USP36: variants seen among roughly 807,000 people sequenced by gnomAD.
The protein encoded by USP36 is ubiquitin carboxyl-terminal hydrolase 36.
Under a neutral mutation model 111.5 loss-of-function variants are expected in USP36, and 59 were observed. The ratio of observed to expected loss-of-function variants is 0.53; its 90% CI spans 0.43 to 0.66. The LOEUF (loss-of-function observed/expected upper bound fraction) is 0.66, where lower values mean the gene tolerates loss of function less well. USP36 is among the 30% of genes least tolerant of loss of function. The pLI is 0.00. For synonymous variants in USP36, 628 were observed against 581.0 expected (o/e 1.08, Z -1.16); for missense variants, 1,488 against 1,468.0 (o/e 1.01, Z -0.22).
chr17:78,791,765 T>C (rs1172207856), downstream of USP36: 1 of 152,106 alleles, frequency 6.6e-6, no homozygotes, highest in Non-Finnish European at 1.5e-5. Flanking sequence ...AACCTTATGT[T>C]GGGGAATGAT....
intron 10 of USP36, among the ~76,000 whole-genome samples, chr17:78,815,578 G>A (rs1251293623): frequency 1.3e-5 from 2 of 152,138 alleles, no homozygotes; most frequent in African/African-American, 4.8e-5. Context: ...AGAATGCTGG[G>A]TTTTAGATCT....
chr17:78,803,598 T>A lies in USP36; in HGVS notation c.2597A>T (p.Gln866Leu). ...AASALQEGQT[Q>L]RQPGSPMYRR... is the part of the protein sequence containing the mutation. Reference sequence around the variant, plus strand: ...GTACATGGGGCTCCCAGGCTGTCTCTGTGTCTGCCCCTCCTGCAGGGCGCT... The same window carrying A: ...GTACATGGGGCTCCCAGGCTGTCTCAGTGTCTGCCCCTCCTGCAGGGCGCT... The change falls in exon 16 of 21, where the codon CAG (glutamine) becomes CTG (leucine). Residue 866 changes from glutamine (Q) to leucine (L), a missense_variant. Coordinates refer to ENST00000449938, the MANE Select transcript of USP36 (RefSeq NM_001385174.1). This position sits in a 1 kb window ranked among gnomAD's most constrained non-coding sequence, Gnocchi z 4.6. 6.2e-7 allele frequency: 1 copy of A among 1,612,906 alleles called. No individual in the cohort carries two copies. The highest frequency in any genetic ancestry group is 8.5e-7 in the Non-Finnish European group (1 of 1,179,882).
chr17:78,803,477 G>A lies in USP36; in HGVS notation c.2718C>T (p.Asp906=), dbSNP rs1211166344. Reference sequence around the variant, plus strand: ...GCTTCCTGCTGCTCGCGTGGTGGCCGTCCGTAACACATCCCACCTGCTGGC... The same window carrying A: ...GCTTCCTGCTGCTCGCGTGGTGGCCATCCGTAACACATCCCACCTGCTGGC... ...VNGQQVGCVT[D]GHHASSRKRR... is the part of the protein sequence containing the mutation. The change falls in exon 16 of 21, where the codon GAC becomes GAT. Residue 906 remains aspartate, a synonymous_variant. Transcript: ENST00000449938. This position sits in a 1 kb window ranked among gnomAD's most constrained non-coding sequence, Gnocchi z 4.6. 82 of 1,613,856 alleles carry A rather than the reference G, an allele frequency of 5.1e-5. No individual in the cohort carries two copies. In the East Asian group the frequency reaches 1.5e-3, roughly 29 times the overall value.
chr17:78,810,118 C>A (rs1599013765), intron 13 of USP36, among the ~76,000 whole-genome samples: 1 of 151,336 alleles, frequency 6.6e-6, no homozygotes, highest in Non-Finnish European at 1.5e-5. Flanking sequence ...AGTGCCCGGC[C>A]CCCCTCTTCT....
intron 10 of USP36, among the ~76,000 whole-genome samples, chr17:78,816,047 G>C (rs145545790): frequency 2.2e-3 from 328 of 152,282 alleles, no homozygotes; most frequent in African/African-American, 7.6e-3. Flanking sequence ...GCCTGGCATG[G>C]CAGCTGTAGG....
intron 15 of USP36, among the ~76,000 whole-genome samples, chr17:78,805,124 T>C (rs1410069761): frequency 6.6e-6 from 1 of 152,152 alleles, no homozygotes; most frequent in Non-Finnish European, 1.5e-5. Flanking sequence ...TGAACCACCA[T>C]GTTCTCATTT....
intron 17 of USP36, among the ~76,000 whole-genome samples, chr17:78,802,037 G>A (rs1475015031): frequency 6.6e-6 from 1 of 152,048 alleles, no homozygotes; most frequent in Non-Finnish European, 1.5e-5. Context: ...AGTAGACGCT[G>A]CTCTCAGCCT....
At chr17:78,810,997 A>G (rs2094036689) in intron 13 of USP36, among the ~76,000 whole-genome samples, 1 of 151,980 alleles carries the variant, frequency 6.6e-6, no homozygotes, top group African/African-American at 2.4e-5. Context: ...ACCTGTAATT[A>G]CAGCTACTCA....
exon 4 of USP36, chr17:78,787,535 C>T (rs1322296935): frequency 2.6e-5 from 4 of 152,164 alleles, no homozygotes; most frequent in South Asian, 2.1e-4. Flanking sequence ...TATATTCAGT[C>T]GCTGAACAAA....
At chr17:78,825,700 G>T (rs2067473193) in intron 6 of USP36, among the ~76,000 whole-genome samples, 1 of 152,126 alleles carries the variant, frequency 6.6e-6, no homozygotes, top group African/African-American at 2.4e-5. Context: ...TGGTTAATTG[G>T]ACTGACTGAA....
chr17:78,810,541 A>G (rs2094023943), intron 13 of USP36, among the ~76,000 whole-genome samples: 1 of 151,980 alleles, frequency 6.6e-6, no homozygotes, highest in African/African-American at 2.4e-5. Context: ...CGGCTTCCCA[A>G]AGTGTTGGAA....
chr17:78,791,504 CA>C (rs2144833870), downstream of USP36, among the ~76,000 whole-genome samples: 1 of 152,334 alleles, frequency 6.6e-6, no homozygotes, highest in African/African-American at 2.4e-5. Context: ...CAAAAATATA[CA>C]GCAGTTTCCC....
At chr17:78,790,024 G>A (rs2093569327) in intron 3 of USP36, among the ~76,000 whole-genome samples, 1 of 152,200 alleles carries the variant, frequency 6.6e-6, no homozygotes, top group African/African-American at 2.4e-5. Flanking sequence ...TTACCGGGTG[G>A]CTGGTAAGTG....
intron 10 of USP36, among the ~76,000 whole-genome samples, chr17:78,816,268 T>C (rs1394770433): frequency 2.0e-5 from 3 of 151,704 alleles, no homozygotes; most frequent in African/African-American, 7.3e-5. Flanking sequence ...CAAGCAATCC[T>C]CCTATCTCTA....
rs2093668600 is a variant in USP36, at chr17:78,798,567, C to G, written c.3241-16G>C. On this transcript the variant is annotated splice_polypyrimidine_tract_variant and intron_variant, in intron 19 of 20. Coordinates refer to ENST00000449938, the MANE Select transcript of USP36 (RefSeq NM_001385174.1). The surrounding 1 kb of genome is among the most constrained non-coding windows in gnomAD (Gnocchi z 5.1). ...TTTTCTTTTCCTAGACCAAGAATCA[C>G]AGGCATCACAGTTCCCAAAAACGGC... 2 of 1,611,220 alleles carry G rather than the reference C, an allele frequency of 1.2e-6. No homozygotes were observed. Among genetic ancestry groups the G allele is most frequent in the African/African-American group, 2.7e-5 (2 of 74,830 alleles).
chr17:78,827,803 G>T lies in USP36; in HGVS notation c.587-456C>A, dbSNP rs559887509. ...ATGTGCCTGTAGTCCCAGCTACTTAGGTGGCTGAGGCAGGAGGATGGGTTG... is the reference window on the plus strand; with the variant it reads ...ATGTGCCTGTAGTCCCAGCTACTTATGTGGCTGAGGCAGGAGGATGGGTTG... On this transcript the variant is annotated intron_variant, in intron 5 of 20. Transcript: ENST00000449938. Among the ~76,000 whole-genome samples, 8 of 152,350 alleles carry T rather than the reference G, an allele frequency of 5.3e-5. No homozygotes were observed. In the South Asian group the frequency reaches 1.5e-3, roughly 28 times the overall value.
At chr17:78,831,221 A>G in intron 4 of USP36, among the ~76,000 whole-genome samples, 2 of 86,440 alleles carry the variant, frequency 2.3e-5, no homozygotes, top group South Asian at 4.1e-4. Context: ...GTGAAACTCC[A>G]TCTCAAAAAA....
intron 14 of USP36, 83 bp downstream of exon 14, chr17:78,806,876 G>A: frequency 6.5e-7 from 1 of 1,535,404 alleles, no homozygotes; most frequent in Non-Finnish European, 8.8e-7. Flanking sequence ...CCCGGACAAT[G>A]TTCTCACTCC....
At chr17:78,829,968 T>C (rs1377016861) in intron 4 of USP36, among the ~76,000 whole-genome samples, 1 of 152,176 alleles carries the variant, frequency 6.6e-6, no homozygotes, top group Non-Finnish European at 1.5e-5. Flanking sequence ...CTCGAACTCC[T>C]GACCTTGTGA....
Sources: gnomAD v4.1 joint callset for allele counts (sites outside exome capture counted in the v4.1 genomes callset) on GRCh38, gnomAD v4.1.1 for gene constraint, Gnocchi (gnomAD v3.1) non-coding constraint, MANE v1.5 for transcripts, NCBI Gene and HGNC (gene_info 2026-07-23, HGNC 2026-07-21) for gene names.